The following GLI2 variants were observed in gnomAD, a reference collection of about 807,000 sequenced individuals.
GLI2 encodes the protein GLI family zinc finger 2.
In GLI2, 22 loss-of-function variants were observed where a neutral mutation model predicts 78.9. The ratio of observed to expected loss-of-function variants is 0.28; its 90% CI spans 0.20 to 0.40. The LOEUF is 0.40. GLI2 is among the 10% of genes least tolerant of loss of function. GLI2 has a pLI of 1.00. For missense variants in GLI2, 2,097 were observed against 2,213.2 expected, an observed-to-expected ratio of 0.95 and a Z score of 1.05; for synonymous variants, 974 against 963.7, an observed-to-expected ratio of 1.01 and a Z score of -0.20.
chr2:120,940,535 G>C (rs1051269547), intron 3 of GLI2, among the ~76,000 whole-genome samples: 1 of 152,136 alleles, frequency 6.6e-6, no homozygotes, highest in Admixed American at 6.5e-5. Context: ...AACAGAGTGG[G>C]TGAATTATTT....
intron 2 of GLI2, among the ~76,000 whole-genome samples, chr2:120,859,794 T>C (rs1687823935): frequency 2.0e-5 from 3 of 150,734 alleles, no homozygotes; most frequent in Admixed American, 2.0e-4. Context: ...TTTGCTCTTG[T>C]CACCCAGGCT....
At chr2:120,804,551 T>C (rs1684856020) in intron 2 of GLI2, among the ~76,000 whole-genome samples, 1 of 151,412 alleles carries the variant, frequency 6.6e-6, no homozygotes, top group African/African-American at 2.4e-5. Flanking sequence ...TATCCGAGTT[T>C]CTCTGCTGGG....
chr2:120,894,334 G>A (rs1266161595), intron 2 of GLI2, among the ~76,000 whole-genome samples: 1 of 151,804 alleles, frequency 6.6e-6, no homozygotes, highest in Non-Finnish European at 1.5e-5. Flanking sequence ...ATAGCTGCCT[G>A]GGGCCCGCGT....
chr2:120,935,297 G>C lies in GLI2; in HGVS notation c.254+7831G>C, dbSNP rs182494486. ...AGGGAGCTCTTCCTTAAAACCGGCTGTTGCTGACCACTTCTTCAGAGCAAC... is the reference window on the plus strand; with the variant it reads ...AGGGAGCTCTTCCTTAAAACCGGCTCTTGCTGACCACTTCTTCAGAGCAAC... On this transcript the variant is annotated intron_variant, in intron 3 of 13. Transcript: ENST00000361492. 5.9e-4 allele frequency among the ~76,000 whole-genome samples: 90 copies of C among 152,300 alleles called. 1 individual carries two copies. Among genetic ancestry groups the C allele is most frequent in the Admixed American group, 3.5e-3 (54 of 15,306 alleles).
chr2:120,835,606 C>G (rs7588234), intron 2 of GLI2, among the ~76,000 whole-genome samples: 96,417 of 151,762 alleles, frequency 0.64, 31,304 homozygotes, highest in African/African-American at 0.75. Flanking sequence ...GGCTAGTCTC[C>G]GACTCCTGAC....
At chr2:120,810,657 G>A (rs1280210341) in intron 2 of GLI2, among the ~76,000 whole-genome samples, 1 of 152,192 alleles carries the variant, frequency 6.6e-6, no homozygotes, top group Non-Finnish European at 1.5e-5. Context: ...CAGTGCCTTG[G>A]CCTGAAGGGA....
intron 3 of GLI2, among the ~76,000 whole-genome samples, chr2:120,935,676 G>T (rs1478508237): frequency 6.6e-6 from 1 of 152,216 alleles, no homozygotes; most frequent in Non-Finnish European, 1.5e-5. Context: ...CACACTCCTA[G>T]TAAGCAGCAT....
intron 2 of GLI2, among the ~76,000 whole-genome samples, chr2:120,874,046 T>C (rs1688602807): frequency 6.6e-6 from 1 of 152,140 alleles, no homozygotes; most frequent in Non-Finnish European, 1.5e-5. Flanking sequence ...TCTAGGACTT[T>C]GGTCACAGGG....
chr2:120,905,165 C>T (rs777181210), intron 2 of GLI2, among the ~76,000 whole-genome samples: 21 of 151,978 alleles, frequency 1.4e-4, no homozygotes, highest in Non-Finnish European at 2.9e-4. Context: ...TCCCTTGGGG[C>T]CTGCAGTGAG....
intron 2 of GLI2, among the ~76,000 whole-genome samples, chr2:120,896,693 C>T (rs201726303): frequency 9.4e-6 from 1 of 106,888 alleles, no homozygotes; most frequent in Non-Finnish European, 1.9e-5. Context: ...TCACACACAC[C>T]CATACACACA....
rs754899023 is a variant in GLI2, at chr2:120,986,438, C to A, written c.2066C>A (p.Thr689Asn). ...GATGACACACCCCCAGGGGCCGACA[C>A]CTCAGCCCTGGCTGCCCCCTCCGCT... ...ALDDTPPGAD[T>N]SALAAPSAGG... The change falls in exon 13 of 14, where the codon ACC (threonine) becomes AAC (asparagine). Residue 689 changes from threonine to asparagine, a missense_variant. Thr to Asn is a moderately conservative substitution (Grantham distance 65, BLOSUM62 0). This residue lies in a region of GLI2 where 1,290 missense variants were observed against 1,261.7 expected (regional missense o/e 1.02). Coordinates refer to ENST00000361492, the MANE Select transcript of GLI2 (RefSeq NM_001374353.1). The A allele has an allele frequency of 1.2e-6, 2 of 1,613,838 alleles. No individual in the cohort carries two copies. Among genetic ancestry groups the A allele is most frequent in the African/African-American group, 2.7e-5 (2 of 74,954 alleles).
chr2:120,935,615 T>C (rs997182071), intron 3 of GLI2, among the ~76,000 whole-genome samples: 1 of 152,182 alleles, frequency 6.6e-6, no homozygotes, highest in Non-Finnish European at 1.5e-5. Flanking sequence ...TCACTCCCAC[T>C]TGATAATTGG....
At chr2:120,874,195 C>T (rs1688612072) in intron 2 of GLI2, among the ~76,000 whole-genome samples, 1 of 152,152 alleles carries the variant, frequency 6.6e-6, no homozygotes, top group Non-Finnish European at 1.5e-5. Flanking sequence ...TCTGTGCGGG[C>T]TCCGTGGGTC....
In GLI2 at chr2:120,880,977, G is replaced by T. The variant is rs571318821; in HGVS notation, c.149-46384G>T. 2.0e-5 allele frequency among the ~76,000 whole-genome samples: 3 copies of T among 152,270 alleles called. No individual in the cohort carries two copies. In the South Asian group the frequency reaches 6.2e-4, roughly 32 times the overall value. ...TTGTCTTTCTTATTTGCCATCCTTCGAAGGCAGCACCCCCTGTTACCATGA... is the reference window on the plus strand; with the variant it reads ...TTGTCTTTCTTATTTGCCATCCTTCTAAGGCAGCACCCCCTGTTACCATGA... On this transcript the variant is annotated intron_variant, in intron 2 of 13. Transcript: ENST00000361492.
intron 9 of GLI2, 59 bp from the exon 10 acceptor site, chr2:120,978,375 G>T (rs1682560151): frequency 1.2e-6 from 2 of 1,603,970 alleles, no homozygotes; most frequent in Non-Finnish European, 8.5e-7. Flanking sequence ...CTGACAGCAG[G>T]GGGTGGTCTG....
At position 120,826,760 on chromosome 2, in the gene GLI2, C is replaced by A. The variant is rs537301452; in HGVS notation, c.148+29292C>A. On this transcript the variant is annotated intron_variant, in intron 2 of 13. Transcript: ENST00000361492. Reference sequence around the variant, plus strand: ...TATGGCCTCTTGACCCCAGGCCTTTCGGGAATGATTTGAGAAGCAGGCAGT... The same window carrying A: ...TATGGCCTCTTGACCCCAGGCCTTTAGGGAATGATTTGAGAAGCAGGCAGT... 1.8e-4 allele frequency among the ~76,000 whole-genome samples: 28 copies of A among 152,296 alleles called. 1 individual carries two copies. The highest frequency in any genetic ancestry group is 1.8e-3 in the Admixed American group (28 of 15,298).
intron 2 of GLI2, among the ~76,000 whole-genome samples, chr2:120,882,442 T>G (rs1304716543): frequency 6.6e-6 from 1 of 152,210 alleles, no homozygotes; most frequent in Non-Finnish European, 1.5e-5. Context: ...CGCTCGCCTG[T>G]GAAATGTAGG....
intron 3 of GLI2, among the ~76,000 whole-genome samples, chr2:120,947,062 A>AGGGGT: frequency 1.3e-5 from 2 of 152,156 alleles, no homozygotes; most frequent in South Asian, 2.1e-4. Context: ...ATGACCTGGT[A>AGGGGT]GGGGTGGGGT....
chr2:120,965,158 G>A (rs60855439), intron 5 of GLI2, among the ~76,000 whole-genome samples: 1 of 151,828 alleles, frequency 6.6e-6, no homozygotes, highest in African/African-American at 2.4e-5. Context: ...GCAGCAGAGG[G>A]GCACACTCCA....
Sources: allele counts gnomAD v4.1 joint callset (sites outside exome capture counted in the v4.1 genomes callset), GRCh38; gene constraint gnomAD v4.1.1; regional missense constraint gnomAD v4.1.1; transcripts MANE v1.5; gene names NCBI Gene and HGNC (gene_info 2026-07-23, HGNC 2026-07-21).